Variants in NRG4 observed in about 807,000 individuals in gnomAD.
NRG4 encodes pro-neuregulin-4, membrane-bound isoform.
Under a neutral mutation model 15.0 loss-of-function variants are expected in NRG4, and 10 were observed. The observed-to-expected ratio is 0.67, with a 90% CI of 0.41 to 1.13. The LOEUF (loss-of-function observed/expected upper bound fraction) is 1.13. Among genes scored for constraint, NRG4 ranks in the 50% most tolerant of loss-of-function variants. The pLI is 0.00. For synonymous variants in NRG4, 41 were observed against 50.1 expected, an observed-to-expected ratio of 0.82 and a Z score of 0.77; for missense variants, 139 against 140.2, an observed-to-expected ratio of 0.99 and a Z score of 0.04.
At position 76,011,627 on chromosome 15, in the gene NRG4, C is replaced by T. The variant is rs764294036; in HGVS notation, c.-56-341G>A. On this transcript the variant is annotated intron_variant, in intron 1 of 5. Coordinates refer to ENST00000394907, the MANE Select transcript of NRG4 (RefSeq NM_138573.4). The stretch of plus-strand genomic sequence containing the variant: ...AGTACTACATGGAATTTTACATGAA[C>T]GATGAGACAGTAAGTAAAACTGAAT... Among the ~76,000 whole-genome samples, 98 of 152,092 alleles carry T rather than the reference C, an allele frequency of 6.4e-4. 1 individual carries two copies. The highest frequency in any genetic ancestry group is 2.1e-3 in the African/African-American group (89 of 41,466).
At chr15:76,004,864 C>T (rs1456128715) in intron 3 of NRG4, among the ~76,000 whole-genome samples, 1 of 151,900 alleles carries the variant, frequency 6.6e-6, no homozygotes, top group Non-Finnish European at 1.5e-5. Flanking sequence ...TACAGTTGAC[C>T]CTTGAACGAT....
chr15:75,954,431 C>CTTTT (rs35801035), intron 5 of NRG4, among the ~76,000 whole-genome samples: 1 of 131,582 alleles, frequency 7.6e-6, no homozygotes, highest in Non-Finnish European at 1.6e-5. Flanking sequence ...ATTTCAATTT[C>CTTTT]TTTTTTTTTT....
intron 3 of NRG4, among the ~76,000 whole-genome samples, chr15:76,000,207 A>G (rs1167452164): frequency 6.6e-6 from 1 of 152,054 alleles, no homozygotes; most frequent in African/African-American, 2.4e-5. Context: ...TAAAACTATG[A>G]CTCGAACTTG....
chr15:76,014,707 C>G (rs538247090), upstream of NRG4, among the ~76,000 whole-genome samples: 73 of 152,190 alleles, frequency 4.8e-4, 1 homozygote, highest in Middle Eastern at 3.4e-3. Context: ...GTCTATATGT[C>G]TGTTTTGATA....
intron 3 of NRG4, among the ~76,000 whole-genome samples, chr15:75,974,202 T>A (rs2033251387): frequency 6.6e-6 from 1 of 152,224 alleles, no homozygotes; most frequent in Non-Finnish European, 1.5e-5. Flanking sequence ...TTCTGTGGGA[T>A]CAGTGGTGAT....
At chr15:76,046,745 TTGGTC>T (rs2035878740) in intron 4 of NRG4, among the ~76,000 whole-genome samples, 1 of 151,070 alleles carries the variant, frequency 6.6e-6, no homozygotes, top group Admixed American at 6.6e-5. Flanking sequence ...TTCCATGACA[TTGGTC>T]TGGGTAAAGA....
rs540268506 is a variant in NRG4 at position 75,984,648 on chromosome 15, G to A, written c.105-22674C>T. ...ACCAGGGCCTACTGGGAGGCAGGGG[G>A]CTAGGGGAGGAATAGCATTAGGAGA... is the stretch of plus-strand genomic sequence containing the variant. On this transcript the variant is annotated intron_variant, in intron 3 of 5. Coordinates refer to ENST00000394907, the MANE Select transcript of NRG4 (RefSeq NM_138573.4). 1.8e-3 allele frequency among the ~76,000 whole-genome samples: 269 copies of A among 152,240 alleles called. 3 individuals carry two copies. The highest frequency in any genetic ancestry group is 6.0e-3 in the African/African-American group (251 of 41,556).
intron 5 of NRG4, among the ~76,000 whole-genome samples, chr15:76,024,486 C>T (rs1390217873): frequency 6.6e-6 from 1 of 152,310 alleles, no homozygotes; most frequent in East Asian, 1.9e-4. Context: ...ACAGACATGC[C>T]CTCAGGCCAG....
intron 1 of NRG4, 162 bp downstream of exon 1, chr15:76,012,157 C>T (rs1040633568): frequency 3.3e-5 from 5 of 151,870 alleles, no homozygotes; most frequent in African/African-American, 1.2e-4. Context: ...CTTTCTTAGA[C>T]AAGCAGAGAG....
At chr15:76,037,389 G>A (rs1284685307) in intron 4 of NRG4, among the ~76,000 whole-genome samples, 1 of 152,140 alleles carries the variant, frequency 6.6e-6, no homozygotes, top group African/African-American at 2.4e-5. Flanking sequence ...CTGTGTGCTT[G>A]GGGAGAGTGA....
chr15:76,042,286 G>A (rs1351227981), intron 4 of NRG4, among the ~76,000 whole-genome samples: 1 of 151,594 alleles, frequency 6.6e-6, no homozygotes, highest in East Asian at 1.9e-4. Context: ...AAAAGCAAAA[G>A]CAAACCAAAC....
At chr15:75,996,053 C>T (rs2034202513) in intron 3 of NRG4, among the ~76,000 whole-genome samples, 1 of 152,118 alleles carries the variant, frequency 6.6e-6, no homozygotes, top group African/African-American at 2.4e-5. Context: ...TTTGGCTTCC[C>T]ATACATGTCA....
At position 75,990,957 on chromosome 15, in the gene NRG4, C is replaced by T. The variant is rs570627697; in HGVS notation, c.104+18243G>A. On this transcript the variant is annotated intron_variant, in intron 3 of 5. Transcript: ENST00000394907. The stretch of plus-strand genomic sequence containing the variant: ...TCCCAAAGTGCTGGGATTACAGCAG[C>T]GAGCCACCACACTCAGCCGGTAATT... Among the ~76,000 whole-genome samples the T allele has an allele frequency of 1.8e-4, 27 of 152,062 alleles. No individual in the cohort carries two copies. The East Asian group carries it at 4.4e-3, about 25-fold the overall frequency.
chr15:75,961,908 A>G lies in NRG4; in HGVS notation c.171T>C (p.Thr57=), dbSNP rs1458756925. The stretch of plus-strand genomic sequence containing the variant: ...CAAAAGCTTCAAACAGGTTACTTTT[A>G]GTTTGGATGCTGGAGCCTGGGAGAA... ...EVFLPGSSIQ[T]KSNLFEAFVA... is the part of the protein sequence containing the mutation. The change falls in exon 4 of 6, where the codon ACT becomes ACC. Residue 57 remains threonine (T), a synonymous_variant. Coordinates refer to ENST00000394907, the MANE Select transcript of NRG4 (RefSeq NM_138573.4). 1 of 1,613,640 alleles carries G rather than the reference A, an allele frequency of 6.2e-7. No homozygotes were observed.
chr15:75,990,654 T>TA (rs2141869998), intron 3 of NRG4, among the ~76,000 whole-genome samples: 1 of 151,572 alleles, frequency 6.6e-6, no homozygotes, highest in East Asian at 1.9e-4. Context: ...GTAATTTTCT[T>TA]ACTGTAGTTG....
rs577125830 is a variant in NRG4, at chr15:75,989,700, C to T, written c.104+19500G>A. ...TAAATTCTTTACATATTTATAGTAA[C>T]TGCTTTAAATCTCGTTTGCTAATTC... On this transcript the variant is annotated intron_variant, in intron 3 of 5. Coordinates refer to ENST00000394907, the MANE Select transcript of NRG4 (RefSeq NM_138573.4). 4.6e-5 allele frequency among the ~76,000 whole-genome samples: 7 copies of T among 152,220 alleles called. No individual in the cohort carries two copies. The South Asian group carries it at 1.4e-3, about 32-fold the overall frequency.
chr15:76,017,396 T>G (rs2035015602), upstream of NRG4, among the ~76,000 whole-genome samples: 1 of 152,082 alleles, frequency 6.6e-6, no homozygotes. Context: ...TGCTAGCTAG[T>G]TGTTTTGCCC....
At chr15:75,985,494 C>T (rs1398080312) in intron 3 of NRG4, among the ~76,000 whole-genome samples, 1 of 152,170 alleles carries the variant, frequency 6.6e-6, no homozygotes, top group East Asian at 1.9e-4. Flanking sequence ...TATCTTCTGC[C>T]TCGCATATAC....
chr15:76,020,563 C>T (rs530236029), intron 5 of NRG4, among the ~76,000 whole-genome samples: 1 of 152,106 alleles, frequency 6.6e-6, no homozygotes, highest in South Asian at 2.1e-4. Context: ...TTGTCTTGGG[C>T]CACACATAAA....
Sources: gnomAD v4.1 joint callset for allele counts (sites outside exome capture counted in the v4.1 genomes callset) on GRCh38, gnomAD v4.1.1 for gene constraint, MANE v1.5 for transcripts, NCBI Gene and HGNC (gene_info 2026-07-23, HGNC 2026-07-21) for gene names.